FAM107B: variants seen among roughly 807,000 people sequenced by gnomAD.
FAM107B encodes protein FAM107B.
FAM107B carries 21 observed loss-of-function variants against 31.5 expected under a neutral mutation model. The ratio of observed to expected loss-of-function variants is 0.67; its 90% CI spans 0.47 to 0.96. FAM107B has a LOEUF of 0.96. FAM107B is among the 40% of genes least tolerant of loss of function. The probability of loss-of-function intolerance (pLI) is 0.00; values close to 1 mark genes in which losing one functional copy is unlikely to be tolerated. For missense variants in FAM107B, 452 were observed against 377.1 expected (o/e 1.20, Z -1.64); for synonymous variants, 157 against 141.5 (o/e 1.11, Z -0.78).
intron 1 of FAM107B, among the ~76,000 whole-genome samples, chr10:14,757,744 G>C (rs1167349043): frequency 6.6e-6 from 1 of 152,198 alleles, no homozygotes; most frequent in Non-Finnish European, 1.5e-5. Context: ...CTTAAAGCAG[G>C]CAGGGCCTTT....
At chr10:14,731,052 G>T (rs561647133) in intron 1 of FAM107B, among the ~76,000 whole-genome samples, 1 of 152,074 alleles carries the variant, frequency 6.6e-6, no homozygotes, top group Non-Finnish European at 1.5e-5. Context: ...AGGCACAGGC[G>T]GATATTACAG....
intron 2 of FAM107B, among the ~76,000 whole-genome samples, chr10:14,648,349 A>G (rs1290523214): frequency 6.6e-6 from 1 of 152,230 alleles, no homozygotes; most frequent in Non-Finnish European, 1.5e-5. Flanking sequence ...ACGAGGGGAA[A>G]CAAAAAGCCC....
intron 2 of FAM107B, among the ~76,000 whole-genome samples, chr10:14,545,147 G>C (rs945516011): frequency 6.6e-6 from 1 of 152,152 alleles, no homozygotes; most frequent in Admixed American, 6.5e-5. Flanking sequence ...GGCCCAGCGA[G>C]ACTAGGTGAC....
At chr10:14,725,629 G>GAC (rs146041251) in intron 1 of FAM107B, among the ~76,000 whole-genome samples, 5 of 151,542 alleles carry the variant, frequency 3.3e-5, no homozygotes, top group South Asian at 2.1e-4. Flanking sequence ...CAGAGAGAGA[G>GAC]AAAGAGAGAG....
chr10:14,741,715 CTTTTTTTTTTTT>C (rs769614377), intron 1 of FAM107B, among the ~76,000 whole-genome samples: 3 of 114,434 alleles, frequency 2.6e-5, no homozygotes, highest in African/African-American at 3.7e-5. Flanking sequence ...GCATAACTCC[CTTTTTTTTTTTT>C]TTTTTTTTTT....
Position 14,625,225 on chromosome 10 carries a change from G to GA in FAM107B, c.469+42408dup, listed in dbSNP as rs36086660. Among the ~76,000 whole-genome samples the GA allele has an allele frequency of 3.6e-3, 423 of 117,614 alleles. 1 individual carries two copies. Among genetic ancestry groups the GA allele is most frequent in the African/African-American group, 5.2e-3 (162 of 30,868 alleles). 77.2% of individuals were successfully genotyped at this position (117,614 alleles called of 152,430 possible). A position where few individuals can be genotyped will look rare whatever the true frequency, so the allele number is the denominator to read the frequency against. On this transcript the variant is annotated intron_variant, in intron 2 of 4. Transcript: ENST00000181796. Reference sequence around the variant, plus strand: ...TGGGTGACAGAGTAAGACTGTCTCAGAAAAAAAAAAAAAAAAGGAATGTCG... The same window carrying GA: ...TGGGTGACAGAGTAAGACTGTCTCAGAAAAAAAAAAAAAAAAAGGAATGTCG...
chr10:14,604,988 C>G (rs1314621614), intron 2 of FAM107B, among the ~76,000 whole-genome samples: 1 of 152,174 alleles, frequency 6.6e-6, no homozygotes, highest in Non-Finnish European at 1.5e-5. Context: ...GCGTCTCGCT[C>G]CTGGGTGTCC....
chr10:14,722,474 G>T (rs966403638), intron 1 of FAM107B, among the ~76,000 whole-genome samples: 3 of 152,008 alleles, frequency 2.0e-5, no homozygotes, highest in Non-Finnish European at 4.4e-5. Flanking sequence ...CTGCATCCTT[G>T]TCAACATTTG....
At chr10:14,768,793 C>G (rs377500315) in intron 1 of FAM107B, among the ~76,000 whole-genome samples, 2 of 152,192 alleles carry the variant, frequency 1.3e-5, no homozygotes, top group Non-Finnish European at 2.9e-5. Context: ...GGGGAGAATA[C>G]GTGGCTCAGT....
intron 2 of FAM107B, among the ~76,000 whole-genome samples, chr10:14,582,219 C>G (rs573112064): frequency 2.6e-5 from 4 of 152,262 alleles, no homozygotes; most frequent in African/African-American, 9.6e-5. Context: ...TAAATATACA[C>G]TAAGTTTTCA....
intron 1 of FAM107B, among the ~76,000 whole-genome samples, chr10:14,691,176 C>T (rs12785017): frequency 0.26 from 39,438 of 152,006 alleles, 5,975 homozygotes; most frequent in Admixed American, 0.34. Context: ...GCTGGGATTA[C>T]AGGCATGAGC....
intron 2 of FAM107B, among the ~76,000 whole-genome samples, chr10:14,572,600 C>T (rs751556475): frequency 8.6e-5 from 13 of 151,046 alleles, no homozygotes; most frequent in Non-Finnish European, 1.8e-4. Flanking sequence ...GGTGTGCACC[C>T]GTGGTCCTAG....
At chr10:14,621,941 T>A (rs1351727597) in intron 2 of FAM107B, among the ~76,000 whole-genome samples, 1 of 152,220 alleles carries the variant, frequency 6.6e-6, no homozygotes, top group Non-Finnish European at 1.5e-5. Flanking sequence ...ATAAAATATG[T>A]TCAAGTTGCT....
intron 2 of FAM107B, among the ~76,000 whole-genome samples, chr10:14,628,937 A>C (rs1045595942): frequency 2.0e-5 from 3 of 151,992 alleles, no homozygotes; most frequent in African/African-American, 4.8e-5. Flanking sequence ...AAGTTGACAC[A>C]ATAAAACCAA....
intron 2 of FAM107B, among the ~76,000 whole-genome samples, chr10:14,608,542 G>A (rs1411421247): frequency 6.6e-6 from 1 of 152,196 alleles, no homozygotes; most frequent in Non-Finnish European, 1.5e-5. Context: ...GCTTGCCCTG[G>A]GTGGTCTCAA....
intron 2 of FAM107B, among the ~76,000 whole-genome samples, chr10:14,598,906 C>G (rs1235535376): frequency 6.6e-6 from 1 of 152,112 alleles, no homozygotes; most frequent in Non-Finnish European, 1.5e-5. Flanking sequence ...GGTCAAAGAG[C>G]TGGGGCCTGG....
intron 2 of FAM107B, among the ~76,000 whole-genome samples, chr10:14,634,098 C>G (rs910143711): frequency 6.6e-6 from 1 of 152,066 alleles, no homozygotes; most frequent in Non-Finnish European, 1.5e-5. Flanking sequence ...TGATATGAAA[C>G]AGCTTTTAAG....
chr10:14,595,422 C>CTTTTTTTTTT (rs35540585), intron 2 of FAM107B, among the ~76,000 whole-genome samples: 3 of 98,148 alleles, frequency 3.1e-5, no homozygotes, highest in African/African-American at 3.6e-5. Context: ...CTAGGGCAAC[C>CTTTTTTTTTT]TTTTTTTTTT....
intron 1 of FAM107B, among the ~76,000 whole-genome samples, chr10:14,772,362 AATAT>A (rs1554759098): frequency 1.4e-5 from 2 of 145,584 alleles, no homozygotes. Flanking sequence ...TTAAAAAAAA[AATAT>A]ATATATATAT....
Sources: gnomAD v4.1 joint callset for allele counts (sites outside exome capture counted in the v4.1 genomes callset) on GRCh38, gnomAD v4.1.1 for gene constraint, MANE v1.5 for transcripts, NCBI Gene and HGNC (gene_info 2026-07-23, HGNC 2026-07-21) for gene names.